CCDC30: variants seen among roughly 807,000 people sequenced by gnomAD.
CCDC30 encodes the protein coiled-coil domain-containing protein 30.
Under a neutral mutation model 100.2 loss-of-function variants are expected in CCDC30, and 70 were observed. The ratio of observed to expected loss-of-function variants is 0.70; its 90% CI spans 0.58 to 0.85. The LOEUF (loss-of-function observed/expected upper bound fraction) is 0.85, where lower values mean the gene tolerates loss of function less well. Ranked by LOEUF, CCDC30 falls within the 40% of genes least tolerant of loss-of-function variation. The pLI is 0.00. For missense variants in CCDC30, 652 were observed against 771.2 expected (o/e 0.85, Z 1.83); for synonymous variants, 233 against 269.5 (o/e 0.86, Z 1.33).
intron 12 of CCDC30, among the ~76,000 whole-genome samples, chr1:42,641,308 G>A (rs902035425): frequency 6.6e-6 from 1 of 151,160 alleles, no homozygotes; most frequent in African/African-American, 2.4e-5. Flanking sequence ...AAACTCCTGG[G>A]CTCAAGCAAT....
At chr1:42,653,838 T>C (rs765967337) in exon 17 of CCDC30, 2 of 1,613,980 alleles carry the variant, frequency 1.2e-6, no homozygotes, top group Non-Finnish European at 1.7e-6. Context: ...AAAGGTTTGG[T>C]AGAGTCATTT....
At chr1:42,457,153 C>T in the CCDC30 span, 10 of 1,593,482 alleles carry the variant, frequency 6.3e-6, no homozygotes, top group African/African-American at 1.3e-4. Context: ...CTCCTGCTTA[C>T]CCACGGATCT....
At chr1:42,511,740 C>A (rs1644481140) in intron 6 of CCDC30, among the ~76,000 whole-genome samples, 2 of 151,892 alleles carry the variant, frequency 1.3e-5, no homozygotes, top group Non-Finnish European at 2.9e-5. Context: ...AAAGGGACGA[C>A]ATTGTGCCTC....
intron 14 of CCDC30, 42 bp downstream of exon 18, chr1:42,644,849 G>A: frequency 7.8e-7 from 1 of 1,280,296 alleles, no homozygotes. Context: ...TTAATGTGAA[G>A]TTCGGGTTGC....
chr1:42,473,640 T>G (rs2148444986), intron 1 of CCDC30: 1 of 209,682 alleles, frequency 4.8e-6, no homozygotes, highest in East Asian at 9.7e-5. Context: ...AATGTCGGCA[T>G]AGTATCAGTG....
At chr1:42,556,036 G>T (rs1645361723) in intron 6 of CCDC30, 120 bp from the exon 10 acceptor site, 2 of 952,084 alleles carry the variant, frequency 2.1e-6, no homozygotes, top group Non-Finnish European at 3.1e-6. Flanking sequence ...TGACTGTTGT[G>T]CTATAGAATT....
At chr1:42,619,057 A>G (rs1646780720) in intron 11 of CCDC30, among the ~76,000 whole-genome samples, 1 of 151,264 alleles carries the variant, frequency 6.6e-6, no homozygotes, top group African/African-American at 2.4e-5. Context: ...AGTGCCCAGC[A>G]AAAAAAAATC....
rs1644099906 is a variant in CCDC30, at chr1:42,489,292, G to A, written c.170-866G>A. Among the ~76,000 whole-genome samples the A allele has an allele frequency of 2.0e-5, 3 of 152,146 alleles. No individual in the cohort carries two copies. In the South Asian group the frequency reaches 6.2e-4, roughly 32 times the overall value. ...TATCTCATCTATAAAATGGAAACAT[G>A]AATATCTACTTTGCAGATTTGTTAT... On this transcript the variant is annotated intron_variant, in intron 3 of 16. Coordinates refer to ENST00000668663, the Ensembl canonical transcript of CCDC30.
intron 7 of CCDC30, among the ~76,000 whole-genome samples, chr1:42,575,466 G>A (rs1308240304): frequency 6.6e-6 from 1 of 151,806 alleles, no homozygotes; most frequent in Non-Finnish European, 1.5e-5. Context: ...TGGCTAACTT[G>A]GTGAAAGCCT....
intron 11 of CCDC30, among the ~76,000 whole-genome samples, chr1:42,628,147 C>T (rs1461793067): frequency 6.6e-6 from 1 of 152,174 alleles, no homozygotes; most frequent in Non-Finnish European, 1.5e-5. Flanking sequence ...GGATGTGAGA[C>T]CTGGAGTCAC....
At chr1:42,621,765 C>T (rs909094209) in intron 11 of CCDC30, among the ~76,000 whole-genome samples, 4 of 152,092 alleles carry the variant, frequency 2.6e-5, no homozygotes, top group East Asian at 1.9e-4. Flanking sequence ...CCCGCCTCGG[C>T]CTCCCAAAGT....
intron 9 of CCDC30, among the ~76,000 whole-genome samples, chr1:42,583,403 T>C (rs1381833550): frequency 2.0e-5 from 3 of 152,218 alleles, no homozygotes; most frequent in Admixed American, 2.0e-4. Context: ...TATAGGGAAA[T>C]TCTTCTACCG....
intron 6 of CCDC30, among the ~76,000 whole-genome samples, chr1:42,524,190 G>A (rs1358841367): frequency 6.6e-6 from 1 of 150,782 alleles, no homozygotes; most frequent in African/African-American, 2.4e-5. Flanking sequence ...TGAATCTAAT[G>A]TGGTAACTCT....
exon 8 of CCDC30, chr1:42,577,229 G>T (rs756176570): frequency 3.1e-6 from 5 of 1,592,574 alleles, no homozygotes; most frequent in Non-Finnish European, 4.3e-6. Flanking sequence ...CAGAGGAAAA[G>T]GTAATTATCC....
upstream of CCDC30, among the ~76,000 whole-genome samples, chr1:42,461,385 G>C (rs1241238584): frequency 1.3e-5 from 2 of 152,158 alleles, no homozygotes; most frequent in Non-Finnish European, 2.9e-5. Flanking sequence ...ACCCAGGTTG[G>C]AGTGCAGTGG....
the CCDC30 span, chr1:42,456,429 C>A: frequency 1.1e-6 from 1 of 945,432 alleles, no homozygotes; most frequent in Non-Finnish European, 1.5e-6. Flanking sequence ...CCAGACTTGG[C>A]GAGATCGGGA....
chr1:42,540,077 T>C (rs1003279486), intron 6 of CCDC30, among the ~76,000 whole-genome samples: 1 of 152,232 alleles, frequency 6.6e-6, no homozygotes, highest in Non-Finnish European at 1.5e-5. Flanking sequence ...ATCACTCTTT[T>C]GACCTAGACT....
chr1:42,588,771 T>C (rs978866075), intron 9 of CCDC30, among the ~76,000 whole-genome samples: 3 of 152,198 alleles, frequency 2.0e-5, no homozygotes, highest in Non-Finnish European at 4.4e-5. Context: ...TCTGCTGATC[T>C]CTAAGGGCCT....
intron 4 of CCDC30, chr1:42,491,855 C>A: frequency 2.7e-6 from 1 of 375,320 alleles, no homozygotes; most frequent in South Asian, 3.3e-5. Context: ...TTGCTATGTT[C>A]AATATAAGAA....
Sources: allele counts gnomAD v4.1 joint callset (sites outside exome capture counted in the v4.1 genomes callset), GRCh38; gene constraint gnomAD v4.1.1; transcripts MANE v1.5; gene names NCBI Gene and HGNC (gene_info 2026-07-23, HGNC 2026-07-21).